Variants in CNTN5 observed in about 807,000 individuals in gnomAD.
CNTN5 encodes contactin-5.
In CNTN5, 77 loss-of-function variants were observed where a neutral mutation model predicts 129.1. That is an observed-to-expected ratio of 0.60 (90% CI 0.50 to 0.72). The LOEUF (loss-of-function observed/expected upper bound fraction) is 0.72. Ranked by LOEUF, CNTN5 falls within the 30% of genes least tolerant of loss-of-function variation. CNTN5 has a pLI of 0.00. For synonymous variants in CNTN5, 509 were observed against 465.6 expected (o/e 1.09, Z -1.20); for missense variants, 1,478 against 1,328.8 (o/e 1.11, Z -1.75).
chr11:99,705,288 T>C (rs1954706957), intron 3 of CNTN5, among the ~76,000 whole-genome samples: 1 of 151,412 alleles, frequency 6.6e-6, no homozygotes, highest in African/African-American at 2.4e-5. Context: ...TAGAATGTGG[T>C]CACTGAATCC....
At chr11:99,136,477 A>G (rs892258209) in intron 1 of CNTN5, among the ~76,000 whole-genome samples, 12 of 152,138 alleles carry the variant, frequency 7.9e-5, no homozygotes, top group African/African-American at 2.4e-4. Context: ...ATTCAAAACT[A>G]CAAATTTACC....
At chr11:100,244,516 T>C (rs1282772258) in intron 16 of CNTN5, among the ~76,000 whole-genome samples, 1 of 152,214 alleles carries the variant, frequency 6.6e-6, no homozygotes, top group Non-Finnish European at 1.5e-5. Context: ...TTTTTATTTC[T>C]ATCTTCACAT....
At chr11:99,659,500 T>C (rs1952517814) in intron 3 of CNTN5, among the ~76,000 whole-genome samples, 1 of 152,142 alleles carries the variant, frequency 6.6e-6, no homozygotes, top group Non-Finnish European at 1.5e-5. Flanking sequence ...ACAGAACAAA[T>C]TGGGTGTGTA....
intron 3 of CNTN5, among the ~76,000 whole-genome samples, chr11:99,600,139 G>T (rs1950269495): frequency 6.6e-6 from 1 of 152,204 alleles, no homozygotes; most frequent in African/African-American, 2.4e-5. Context: ...ACAAAAATGT[G>T]CTGTGATGGA....
chr11:99,577,614 C>T (rs368521436), intron 3 of CNTN5, among the ~76,000 whole-genome samples: 10 of 151,756 alleles, frequency 6.6e-5, no homozygotes, highest in East Asian at 3.9e-4. Context: ...CCATTGAGCC[C>T]GATCATTAAA....
At chr11:99,437,562 T>C (rs1943648471) in intron 2 of CNTN5, among the ~76,000 whole-genome samples, 1 of 152,222 alleles carries the variant, frequency 6.6e-6, no homozygotes, top group South Asian at 2.1e-4. Flanking sequence ...GTGTTGCGGC[T>C]CATGCCTGTA....
At chr11:99,825,445 A>G (rs1306777542) in intron 4 of CNTN5, among the ~76,000 whole-genome samples, 1 of 151,960 alleles carries the variant, frequency 6.6e-6, no homozygotes, top group Admixed American at 6.6e-5. Context: ...TACTAATTTT[A>G]CCTTATTCAC....
At chr11:99,632,467 G>GGATT (rs1951395475) in intron 3 of CNTN5, among the ~76,000 whole-genome samples, 1 of 151,994 alleles carries the variant, frequency 6.6e-6, no homozygotes, top group Non-Finnish European at 1.5e-5. Flanking sequence ...CAAAGGCCCA[G>GGATT]GATTACACAG....
chr11:99,791,947 A>G (rs1041392799), intron 3 of CNTN5, among the ~76,000 whole-genome samples: 1 of 152,118 alleles, frequency 6.6e-6, no homozygotes, highest in African/African-American at 2.4e-5. Flanking sequence ...ATTTTTGAAC[A>G]TTTAATTTGT....
In CNTN5 at chr11:100,271,260, C is replaced by A. The variant is rs1371582060; in HGVS notation, c.2314+19C>A. ...GAAGCAGGTAAAAATTTGGAAGAGT[C>A]AGATTGGATTTGGTATGCTTCTAAT... is the stretch of plus-strand genomic sequence containing the variant. On this transcript the variant is annotated intron_variant, in intron 18 of 24. Transcript: ENST00000524871. 2 of 1,580,860 alleles carry A rather than the reference C, an allele frequency of 1.3e-6. No individual in the cohort carries two copies. The highest frequency in any genetic ancestry group is 8.6e-7 in the Non-Finnish European group (1 of 1,164,764).
At chr11:99,515,550 A>G (rs973906925) in intron 2 of CNTN5, among the ~76,000 whole-genome samples, 1 of 152,072 alleles carries the variant, frequency 6.6e-6, no homozygotes, top group African/African-American at 2.4e-5. Flanking sequence ...TTATTAGGCC[A>G]TAGAATTCAC....
At chr11:99,715,161 GAGGAA>G (rs1200072359) in intron 3 of CNTN5, among the ~76,000 whole-genome samples, 2 of 151,958 alleles carry the variant, frequency 1.3e-5, no homozygotes, top group Non-Finnish European at 2.9e-5. Context: ...TGTAATAGCA[GAGGAA>G]AGGAAAGAGC....
chr11:99,748,918 G>GT (rs1944145836), intron 3 of CNTN5, among the ~76,000 whole-genome samples: 1 of 152,152 alleles, frequency 6.6e-6, no homozygotes, highest in Admixed American at 6.5e-5. Context: ...AGCCATCTGA[G>GT]TATCTCTTAG....
chr11:100,341,356 T>C (rs1952158058), intron 23 of CNTN5, among the ~76,000 whole-genome samples, 151 bp downstream of exon 23: 2 of 152,152 alleles, frequency 1.3e-5, no homozygotes, highest in Non-Finnish European at 2.9e-5. Flanking sequence ...AGCCTTCCTA[T>C]AGATAGAGAA....
chr11:99,805,569 T>C (rs1946244210), intron 3 of CNTN5, among the ~76,000 whole-genome samples: 1 of 152,210 alleles, frequency 6.6e-6, no homozygotes, highest in South Asian at 2.1e-4. Flanking sequence ...GTATTGGAAC[T>C]ATAGCTCCCC....
chr11:100,101,677 C>A (rs1266704050), intron 13 of CNTN5, among the ~76,000 whole-genome samples: 2 of 152,018 alleles, frequency 1.3e-5, no homozygotes, highest in African/African-American at 4.8e-5. Context: ...GTGCACCTGT[C>A]ACCAGGGCAG....
intron 9 of CNTN5, among the ~76,000 whole-genome samples, chr11:100,036,552 C>T (rs1481326066): frequency 2.1e-5 from 3 of 145,082 alleles, no homozygotes; most frequent in Non-Finnish European, 4.6e-5. Flanking sequence ...TGTAAATTAC[C>T]TTGGGCAGTA....
At chr11:99,829,144 T>C (rs955566880) in intron 4 of CNTN5, among the ~76,000 whole-genome samples, 1 of 152,172 alleles carries the variant, frequency 6.6e-6, no homozygotes, top group East Asian at 1.9e-4. Flanking sequence ...CCTGGTGATA[T>C]ACTTAAAGAA....
At chr11:99,641,328 T>C (rs952537053) in intron 3 of CNTN5, among the ~76,000 whole-genome samples, 4 of 152,126 alleles carry the variant, frequency 2.6e-5, no homozygotes, top group African/African-American at 9.7e-5. Flanking sequence ...ACTTTGATAA[T>C]AATAATGAAA....
Sources: allele counts gnomAD v4.1 joint callset (sites outside exome capture counted in the v4.1 genomes callset), GRCh38; gene constraint gnomAD v4.1.1; transcripts MANE v1.5; gene names NCBI Gene and HGNC (gene_info 2026-07-23, HGNC 2026-07-21).